The following MROH1 variants were observed in gnomAD, a reference collection of about 807,000 sequenced individuals.
MROH1 encodes the protein maestro heat-like repeat-containing protein family member 1.
Under a neutral mutation model 116.5 loss-of-function variants are expected in MROH1, and 117 were observed. The ratio of observed to expected loss-of-function variants is 1.00; its 90% CI spans 0.86 to 1.17. MROH1 has a LOEUF of 1.17. MROH1 is among the 50% of genes most tolerant of loss of function. The probability of loss-of-function intolerance (pLI) is 0.00; values close to 1 mark genes in which losing one functional copy is unlikely to be tolerated. For missense variants in MROH1, 1,873 were observed against 1,338.5 expected (o/e 1.40, Z -6.23); for synonymous variants, 921 against 583.9 (o/e 1.58, Z -8.32).
Position 144,191,915 on chromosome 8 carries a change from G to T in MROH1, c.855+60G>T, listed in dbSNP as rs1828711630. On this transcript the variant is annotated intron_variant, in intron 9 of 43. Transcript: ENST00000326134. ...GGACCCCTCCAATCAGACTCCCCGG[G>T]GGTGGCCGTGAGTCCTCGGCTAGGG... 5 of 1,598,586 alleles carry T rather than the reference G, an allele frequency of 3.1e-6. No homozygotes were observed. The Admixed American group carries it at 6.7e-5, about 22-fold the overall frequency.
intron 33 of MROH1, among the ~76,000 whole-genome samples, chr8:144,253,840 TTC>T (rs1213543907): frequency 6.6e-6 from 1 of 152,088 alleles, no homozygotes; most frequent in Non-Finnish European, 1.5e-5. Flanking sequence ...TGTTTCTGGC[TTC>T]TGTCGTTGCT....
At chr8:144,172,268 AC>A (rs1443058059) in intron 4 of MROH1, among the ~76,000 whole-genome samples, 1 of 152,122 alleles carries the variant, frequency 6.6e-6, no homozygotes, top group East Asian at 1.9e-4. Flanking sequence ...CTGAAAAGAG[AC>A]ATTTACTATC....
intron 7 of MROH1, among the ~76,000 whole-genome samples, chr8:144,187,978 T>C (rs1827616958): frequency 6.6e-6 from 1 of 151,962 alleles, no homozygotes; most frequent in Non-Finnish European, 1.5e-5. Context: ...GTCAGCCCAT[T>C]GTGAGGAGGG....
chr8:144,253,787 C>T (rs1458785836), intron 33 of MROH1, among the ~76,000 whole-genome samples: 15 of 152,000 alleles, frequency 9.9e-5, no homozygotes, highest in African/African-American at 3.6e-4. Context: ...GGCTTAGTAT[C>T]CTAGTTCAGT....
Position 144,261,113 on chromosome 8 carries a change from G to C in MROH1, c.4672-1G>C. On this transcript the variant is annotated splice_acceptor_variant, in intron 41 of 43. Coordinates refer to ENST00000326134, the MANE Select transcript of MROH1 (RefSeq NM_032450.3). LOFTEE classifies it high-confidence loss of function. ...GCGGCACTGACCAGGCCTCTCCCCA[G>C]ATGCACCATTTCCCAGACCTGCTGG... 1 of 775,276 alleles carries C rather than the reference G, an allele frequency of 1.3e-6. No individual in the cohort carries two copies. The allele number at this position is 775,276 out of a possible 1,614,324, so 48.0% of individuals were successfully genotyped here. A position where few individuals can be genotyped will look rare whatever the true frequency, so the allele number is the denominator to read the frequency against.
At chr8:144,175,066 A>T in intron 4 of MROH1, 1 of 985,482 alleles carries the variant, frequency 1.0e-6, no homozygotes, top group Non-Finnish European at 1.2e-6. Context: ...CTAAAGATGG[A>T]AGCATAATGC....
At chr8:144,257,385 G>T (rs1244633830) in intron 35 of MROH1, among the ~76,000 whole-genome samples, 1 of 152,144 alleles carries the variant, frequency 6.6e-6, no homozygotes, top group Admixed American at 6.5e-5. Context: ...GGGGACAGTG[G>T]TATACTGGGA....
chr8:144,177,448 T>G (rs1357163566), intron 4 of MROH1, among the ~76,000 whole-genome samples: 1 of 152,202 alleles, frequency 6.6e-6, no homozygotes, highest in Non-Finnish European at 1.5e-5. Flanking sequence ...CTATTGTTTC[T>G]CCTCCAAACG....
chr8:144,254,873 G>A lies in MROH1; in HGVS notation c.3489G>A (p.Leu1163=), dbSNP rs1843423079. 3 of 778,124 alleles carry A rather than the reference G, an allele frequency of 3.9e-6. No individual in the cohort carries two copies. The African/African-American group carries it at 5.1e-5, about 13-fold the overall frequency. 48.2% of individuals were successfully genotyped at this position (778,124 alleles called of 1,614,324 possible). A position where few individuals can be genotyped will look rare whatever the true frequency, so the allele number is the denominator to read the frequency against. The change falls in exon 34 of 44, where the codon CTG becomes CTA. Residue 1163 remains leucine (L), a synonymous_variant. Transcript: ENST00000326134. ...AGCCTCGCCTAGCTGCCCAGGTCCTGGGGCTGCTGCTGGAGAAGATGAGTA... is the reference window on the plus strand; with the variant it reads ...AGCCTCGCCTAGCTGCCCAGGTCCTAGGGCTGCTGCTGGAGAAGATGAGTA... ...AVEPRLAAQV[L]GLLLEKMSRD...
intron 4 of MROH1, among the ~76,000 whole-genome samples, chr8:144,168,888 G>A (rs960696310): frequency 6.6e-6 from 1 of 152,210 alleles, no homozygotes; most frequent in African/African-American, 2.4e-5. Flanking sequence ...CTCAGGGAGG[G>A]GCTGCCCAGG....
chr8:144,237,762 GCTC>G (rs1166305173), intron 14 of MROH1, among the ~76,000 whole-genome samples: 2 of 151,962 alleles, frequency 1.3e-5, no homozygotes, highest in African/African-American at 4.8e-5. Flanking sequence ...CTTGTTCTTG[GCTC>G]CTCATTTCCC....
At chr8:144,220,728 G>A in intron 13 of MROH1, 55 bp downstream of exon 13, 5 of 1,491,774 alleles carry the variant, frequency 3.4e-6, no homozygotes, top group Non-Finnish European at 4.6e-6. Flanking sequence ...CAGCTGCAGG[G>A]TGTGGCCAGG....
chr8:144,209,676 T>C (rs748534612), intron 12 of MROH1, among the ~76,000 whole-genome samples: 2 of 150,750 alleles, frequency 1.3e-5, no homozygotes, highest in Non-Finnish European at 3.0e-5. Context: ...TGGGATCCCG[T>C]AGCAAGCAGA....
At chr8:144,250,058 G>A (rs1478856712) in intron 32 of MROH1, among the ~76,000 whole-genome samples, 154 bp from the exon 33 acceptor site, 9 of 152,192 alleles carry the variant, frequency 5.9e-5, no homozygotes, top group Admixed American at 2.0e-4. Flanking sequence ...CGTGGCCCAC[G>A]GGGGATCCTG....
intron 1 of MROH1, among the ~76,000 whole-genome samples, chr8:144,159,542 A>G (rs988986786): frequency 3.9e-5 from 6 of 152,284 alleles, no homozygotes; most frequent in Non-Finnish European, 8.8e-5. Flanking sequence ...GCTTTCTTGT[A>G]ACTAATGCCA....
intron 14 of MROH1, among the ~76,000 whole-genome samples, chr8:144,232,909 C>T (rs1262127916): frequency 1.3e-5 from 2 of 151,798 alleles, no homozygotes; most frequent in African/African-American, 2.4e-5. Flanking sequence ...TTACTGCAGC[C>T]TCAACCTCGC....
At chr8:144,168,872 T>C (rs4977190) in intron 4 of MROH1, among the ~76,000 whole-genome samples, 64,354 of 152,154 alleles carry the variant, frequency 0.42, 15,764 homozygotes, top group East Asian at 0.77. Flanking sequence ...CTGGTCTTCC[T>C]GCACCCTCAG....
At chr8:144,240,449 G>C (rs1196613870) in intron 19 of MROH1, 121 bp from the exon 20 acceptor site, 1 of 697,954 alleles carries the variant, frequency 1.4e-6, no homozygotes, top group African/African-American at 1.8e-5. Flanking sequence ...TGCCGCCCCC[G>C]GCCTCCGCTG....
intron 1 of MROH1, among the ~76,000 whole-genome samples, chr8:144,149,599 G>GC (rs1244472856): frequency 6.6e-6 from 1 of 152,182 alleles, no homozygotes; most frequent in East Asian, 1.9e-4. Flanking sequence ...CTGTCTCGTA[G>GC]CCCCCCTTTC....
Sources: gnomAD v4.1 joint callset for allele counts (sites outside exome capture counted in the v4.1 genomes callset) on GRCh38, gnomAD v4.1.1 for gene constraint, MANE v1.5 for transcripts, NCBI Gene and HGNC (gene_info 2026-07-23, HGNC 2026-07-21) for gene names.